The following ITSN1 variants were observed in gnomAD, a reference collection of about 807,000 sequenced individuals.
The protein encoded by ITSN1 is intersectin 1.
A neutral mutation model predicts 239.8 loss-of-function variants in ITSN1; 58 were observed. That is an observed-to-expected ratio of 0.24 (90% CI 0.20 to 0.30). The LOEUF (loss-of-function observed/expected upper bound fraction) is 0.30. ITSN1 is among the 10% of genes least tolerant of loss of function. The probability of loss-of-function intolerance (pLI) is 1.00; values close to 1 mark genes in which losing one functional copy is unlikely to be tolerated. For missense variants in ITSN1, 1,558 were observed against 2,103.3 expected (o/e 0.74, Z 5.07); for synonymous variants, 780 against 770.8 (o/e 1.01, Z -0.20).
intron 1 of ITSN1, among the ~76,000 whole-genome samples, chr21:33,706,567 C>G (rs2092255462): frequency 1.3e-5 from 2 of 150,646 alleles, no homozygotes; most frequent in Admixed American, 1.3e-4. Context: ...ATAGACTATG[C>G]TTCACCCTAC....
intron 1 of ITSN1, among the ~76,000 whole-genome samples, chr21:33,644,603 A>G (rs1054584385): frequency 2.0e-5 from 3 of 152,090 alleles, no homozygotes; most frequent in Non-Finnish European, 4.4e-5. Flanking sequence ...GAAATAGGGC[A>G]TAAAATGAGT....
At position 33,892,650 on chromosome 21, in the gene ITSN1, C is replaced by G. The variant is rs1191869053; in HGVS notation, c.*4350C>G. 6.6e-6 allele frequency: 1 copy of G among 152,192 alleles called. No homozygotes were observed. The highest frequency in any genetic ancestry group is 2.4e-5 in the African/African-American group (1 of 41,436). 9.4% of individuals were successfully genotyped at this position (152,192 alleles called of 1,614,324 possible). On this transcript the variant is annotated 3_prime_UTR_variant, in exon 40 of 40. Coordinates refer to ENST00000381318, the MANE Select transcript of ITSN1 (RefSeq NM_003024.3). ...TTCTCTAGAACAGCCCTAACCTGCA[C>G]TAGTGAGGGGGGCTCAGGAATTCCC...
rs1190214100 is a variant in ITSN1 at position 33,804,624 on chromosome 21, A to G, written c.2319+2180A>G. ...AATACATGGCCTCTCTTGATCTGGA[A>G]CTCCCAATACTTGGAGGGTGAATTA... On this transcript the variant is annotated intron_variant, in intron 20 of 39. Transcript: ENST00000381318. Among the ~76,000 whole-genome samples the G allele has an allele frequency of 4.6e-5, 7 of 152,012 alleles. No homozygotes were observed. In the East Asian group the frequency reaches 1.4e-3, roughly 29 times the overall value.
chr21:33,871,061 G>T (rs1331296718), intron 33 of ITSN1, among the ~76,000 whole-genome samples: 2 of 152,010 alleles, frequency 1.3e-5, no homozygotes, highest in African/African-American at 4.8e-5. Flanking sequence ...AACCTGGCAG[G>T]CAGAGGTTGC....
At chr21:33,813,500 G>A (rs541468789) in intron 21 of ITSN1, among the ~76,000 whole-genome samples, 3 of 151,668 alleles carry the variant, frequency 2.0e-5, no homozygotes, top group African/African-American at 4.8e-5. Flanking sequence ...TTACAGGGGT[G>A]CGCCACCACA....
At chr21:33,726,289 C>T (rs577008430) in intron 4 of ITSN1, among the ~76,000 whole-genome samples, 24 of 152,094 alleles carry the variant, frequency 1.6e-4, no homozygotes, top group African/African-American at 5.6e-4. Flanking sequence ...CCACTGCAGC[C>T]GGCCAAGCCT....
At chr21:33,770,892 T>A (rs897645544) in intron 11 of ITSN1, among the ~76,000 whole-genome samples, 7 of 151,700 alleles carry the variant, frequency 4.6e-5, no homozygotes, top group African/African-American at 1.7e-4. Flanking sequence ...GCCTCCCAAG[T>A]AGCTGGGGTT....
At position 33,889,003 on chromosome 21, in the gene ITSN1, A is replaced by G. The variant is rs1365769538; in HGVS notation, c.*703A>G. The stretch of plus-strand genomic sequence containing the variant: ...GTATTGTTGCGTGGATTCAGTTCTG[A>G]TTCCCAGCATGCTTAGAATATGGTC... On this transcript the variant is annotated 3_prime_UTR_variant, in exon 40 of 40. Coordinates refer to ENST00000381318, the MANE Select transcript of ITSN1 (RefSeq NM_003024.3). 6.6e-6 allele frequency: 1 copy of G among 152,092 alleles called. No individual in the cohort carries two copies. The highest frequency in any genetic ancestry group is 2.4e-5 in the African/African-American group (1 of 41,390). The allele number at this position is 152,092 out of a possible 1,614,324, so 9.4% of individuals were successfully genotyped here. A position where few individuals can be genotyped will look rare whatever the true frequency, so the allele number is the denominator to read the frequency against.
chr21:33,836,905 T>C lies in ITSN1; in HGVS notation c.3661+273T>C, dbSNP rs2074633716. ...TTAAATCATTTTGGCACCATGCTGT[T>C]TACATGCCTGACTCATTTTCCTAGC... On this transcript the variant is annotated intron_variant, in intron 29 of 39. Coordinates refer to ENST00000381318, the MANE Select transcript of ITSN1 (RefSeq NM_003024.3). The C allele has an allele frequency of 2.5e-6, 3 of 1,214,498 alleles. No individual in the cohort carries two copies. In the Admixed American group the frequency reaches 5.1e-5, roughly 21 times the overall value. The allele number at this position is 1,214,498 out of a possible 1,614,324, so 75.2% of individuals were successfully genotyped here.
At chr21:33,880,650 A>G (rs1026610686) in intron 34 of ITSN1, among the ~76,000 whole-genome samples, 1 of 152,128 alleles carries the variant, frequency 6.6e-6, no homozygotes, top group Non-Finnish European at 1.5e-5. Context: ...ACAGGTGGCC[A>G]TCAGCTTCTT....
At chr21:33,643,643 T>C (rs1601384162) in intron 1 of ITSN1, 1 of 152,152 alleles carries the variant, frequency 6.6e-6, no homozygotes, top group East Asian at 1.9e-4. Context: ...TTATAGCCTC[T>C]TCAATATGAA....
At chr21:33,744,531 G>A (rs1295921672) in intron 5 of ITSN1, among the ~76,000 whole-genome samples, 1 of 152,172 alleles carries the variant, frequency 6.6e-6, no homozygotes, top group Non-Finnish European at 1.5e-5. Flanking sequence ...GCAGCACTGA[G>A]CATCCTTAGC....
intron 5 of ITSN1, among the ~76,000 whole-genome samples, chr21:33,735,849 A>T (rs1427439317): frequency 1.3e-5 from 2 of 151,984 alleles, no homozygotes; most frequent in Admixed American, 6.6e-5. Context: ...CTGAAAATAT[A>T]AAAAATTAGC....
At chr21:33,761,371 ATG>A (rs1310650820) in intron 8 of ITSN1, among the ~76,000 whole-genome samples, 2 of 151,738 alleles carry the variant, frequency 1.3e-5, no homozygotes, top group African/African-American at 4.8e-5. Flanking sequence ...CAGGCTGGAA[ATG>A]TGTTTTAATC....
At position 33,891,880 on chromosome 21, in the gene ITSN1, A is replaced by G. The variant is rs1300197520; in HGVS notation, c.*3580A>G. On this transcript the variant is annotated 3_prime_UTR_variant, in exon 40 of 40. Transcript: ENST00000381318. ...AGTTGATTGGGCCTTTTTGATTGAT[A>G]AGAAGAAAATGTGTTTTGTACGTGT... 1.3e-5 allele frequency: 2 copies of G among 152,052 alleles called. No homozygotes were observed. Among genetic ancestry groups the G allele is most frequent in the African/African-American group, 4.8e-5 (2 of 41,406 alleles). The allele number at this position is 152,052 out of a possible 1,614,324, so 9.4% of individuals were successfully genotyped here.
chr21:33,665,941 T>A (rs1440880999), intron 1 of ITSN1, among the ~76,000 whole-genome samples: 6 of 152,056 alleles, frequency 3.9e-5, no homozygotes, highest in Non-Finnish European at 7.4e-5. Flanking sequence ...CTTTTTTTTT[T>A]TTTTTGAGAG....
At chr21:33,717,651 G>T (rs577917248) in intron 1 of ITSN1, among the ~76,000 whole-genome samples, 3 of 152,014 alleles carry the variant, frequency 2.0e-5, no homozygotes, top group Admixed American at 1.3e-4. Flanking sequence ...CATCTCCTGG[G>T]TTCACGCCAT....
At chr21:33,727,607 CAAAAAA>C (rs201596116) in intron 4 of ITSN1, among the ~76,000 whole-genome samples, 1 of 69,758 alleles carries the variant, frequency 1.4e-5, no homozygotes. Context: ...TAAACTCATA[CAAAAAA>C]AAAAAAAAAA....
intron 1 of ITSN1, among the ~76,000 whole-genome samples, chr21:33,670,705 A>C (rs918270099): frequency 6.6e-6 from 1 of 152,218 alleles, no homozygotes; most frequent in Non-Finnish European, 1.5e-5. Flanking sequence ...AAATGTATTC[A>C]TCTCAGAATT....
Sources: allele counts gnomAD v4.1 joint callset (sites outside exome capture counted in the v4.1 genomes callset), GRCh38; gene constraint gnomAD v4.1.1; transcripts MANE v1.5; gene names NCBI Gene and HGNC (gene_info 2026-07-23, HGNC 2026-07-21).